Variants in EPHA8 observed in about 807,000 individuals in gnomAD.
EPHA8 encodes the protein ephrin type-A receptor 8.
A neutral mutation model predicts 103.6 loss-of-function variants in EPHA8; 58 were observed. The ratio of observed to expected loss-of-function variants is 0.56; its 90% CI spans 0.45 to 0.70. The LOEUF (loss-of-function observed/expected upper bound fraction) is 0.70, where lower values mean the gene tolerates loss of function less well. EPHA8 is among the 30% of genes least tolerant of loss of function. The pLI is 0.00. For synonymous variants in EPHA8, 559 were observed against 572.5 expected (o/e 0.98, Z 0.34); for missense variants, 1,304 against 1,395.2 (o/e 0.93, Z 1.04).
rs1425104693 is a variant in EPHA8, at chr1:22,602,068, G to C, written c.*327G>C. 2 of 457,430 alleles carry C rather than the reference G, an allele frequency of 4.4e-6. No homozygotes were observed. Among genetic ancestry groups the C allele is most frequent in the African/African-American group, 4.2e-5 (2 of 48,166 alleles). The allele number at this position is 457,430 out of a possible 1,614,324, so 28.3% of individuals were successfully genotyped here. On this transcript the variant is annotated 3_prime_UTR_variant, in exon 17 of 17. Transcript: ENST00000166244. ...TGTGCGTGCATGTGTGTGTGTGGTGGGGGGTGTTCTCACAAGGTCATGGGA... is the reference window on the plus strand; with the variant it reads ...TGTGCGTGCATGTGTGTGTGTGGTGCGGGGTGTTCTCACAAGGTCATGGGA...
intron 1 of EPHA8, among the ~76,000 whole-genome samples, chr1:22,568,127 T>G (rs1640419915): frequency 6.6e-6 from 1 of 152,186 alleles, no homozygotes; most frequent in Non-Finnish European, 1.5e-5. Flanking sequence ...CTAGTGTTGG[T>G]AAGGACCAGC....
chr1:22,590,783 G>A (rs886716507), intron 5 of EPHA8, among the ~76,000 whole-genome samples: 7 of 151,822 alleles, frequency 4.6e-5, no homozygotes, highest in Admixed American at 1.3e-4. Context: ...CCCCCAACTC[G>A]CGGTCACCAG....
intron 1 of EPHA8, among the ~76,000 whole-genome samples, chr1:22,564,507 C>A (rs1413754220): frequency 6.6e-6 from 1 of 151,590 alleles, no homozygotes; most frequent in Admixed American, 6.6e-5. Flanking sequence ...TCAGAGAAGG[C>A]TGGGATGGCA....
Position 22,582,719 on chromosome 1 carries a change from C to T in EPHA8, c.824-3761C>T, listed in dbSNP as rs1304833204. On this transcript the variant is annotated intron_variant, in intron 3 of 16. Transcript: ENST00000166244. ...CACAACTCCGGATCCAGTGACCTCC[C>T]CACACCAGACTGCACTTCCCAGCAC... is the stretch of plus-strand genomic sequence containing the variant. Among the ~76,000 whole-genome samples, 3 of 152,304 alleles carry T rather than the reference C, an allele frequency of 2.0e-5. No homozygotes were observed. In the East Asian group the frequency reaches 5.8e-4, roughly 30 times the overall value.
chr1:22,589,698 C>T lies in EPHA8; in HGVS notation c.1315+492C>T, dbSNP rs1641324744. On this transcript the variant is annotated intron_variant, in intron 5 of 16. Coordinates refer to ENST00000166244, the MANE Select transcript of EPHA8 (RefSeq NM_020526.5). This position sits in a 1 kb window ranked among gnomAD's most constrained non-coding sequence, Gnocchi z 4.3. The stretch of plus-strand genomic sequence containing the variant: ...GACTTGGCTGCACTGGCTTGGACCA[C>T]AGTAGTTTATCTATCAGTTTCTGGC... 2.8e-6 allele frequency: 3 copies of T among 1,075,908 alleles called. No individual in the cohort carries two copies. Among genetic ancestry groups the T allele is most frequent in the Non-Finnish European group, 3.4e-6 (3 of 890,022 alleles). The allele number at this position is 1,075,908 out of a possible 1,614,324, so 66.6% of individuals were successfully genotyped here.
chr1:22,579,625 C>T (rs980239326), intron 3 of EPHA8, among the ~76,000 whole-genome samples: 5 of 152,186 alleles, frequency 3.3e-5, no homozygotes, highest in African/African-American at 1.2e-4. Context: ...CCAGGCTTCT[C>T]TCCGTCGTTT....
In EPHA8 at chr1:22,588,938, C is replaced by A. The variant is rs776068958; in HGVS notation, c.1047C>A (p.Ala349=). The A allele has an allele frequency of 1.2e-6, 2 of 1,611,636 alleles. No homozygotes were observed. The highest frequency in any genetic ancestry group is 8.5e-7 in the Non-Finnish European group (1 of 1,179,882). ...VNGTSVTLEW[A]PPLDPGGRSD... The stretch of plus-strand genomic sequence containing the variant: ...GGACATCAGTGACTCTGGAGTGGGC[C>A]CCTCCCCTGGACCCAGGTGGCCGCA... The change falls in exon 5 of 17, where the codon GCC becomes GCA. Residue 349 remains alanine (A), a synonymous_variant. Coordinates refer to ENST00000166244, the MANE Select transcript of EPHA8 (RefSeq NM_020526.5).
intron 13 of EPHA8, among the ~76,000 whole-genome samples, chr1:22,599,685 AGG>A (rs1641633432): frequency 3.1e-5 from 1 of 32,626 alleles, no homozygotes; most frequent in Non-Finnish European, 5.1e-5. Flanking sequence ...GAGGGAAGGA[AGG>A]AAAGGAGGGA....
intron 2 of EPHA8, among the ~76,000 whole-genome samples, chr1:22,572,487 G>A (rs148519837): frequency 4.6e-5 from 7 of 152,330 alleles, no homozygotes; most frequent in East Asian, 1.9e-4. Flanking sequence ...ATCAGGCTGC[G>A]TCCTTCCCTC....
intron 13 of EPHA8, among the ~76,000 whole-genome samples, chr1:22,599,723 G>A (rs1369083074): frequency 3.7e-3 from 7 of 1,914 alleles, no homozygotes; most frequent in African/African-American, 7.1e-3. Context: ...AGGAAGGGAG[G>A]GAGGGAAGGA....
chr1:22,599,318 T>C (rs539362275), intron 13 of EPHA8, among the ~76,000 whole-genome samples: 2 of 152,200 alleles, frequency 1.3e-5, no homozygotes, highest in South Asian at 4.2e-4. Context: ...TTCAGGAGGG[T>C]TGGAATCTCC....
Position 22,569,830 on chromosome 1 carries a change from A to G in EPHA8, c.159+477A>G, listed in dbSNP as rs1484885704. The stretch of plus-strand genomic sequence containing the variant: ...TCAGGTCGCTGTGGGTCATGTGCTC[A>G]CAGGCCGTGCCCCCATCCTCCTGGG... On this transcript the variant is annotated intron_variant, in intron 2 of 16. Transcript: ENST00000166244. This position sits in a 1 kb window ranked among gnomAD's most constrained non-coding sequence, Gnocchi z 4.5. Among the ~76,000 whole-genome samples, 1 of 152,076 alleles carries G rather than the reference A, an allele frequency of 6.6e-6. No individual in the cohort carries two copies. Among genetic ancestry groups the G allele is most frequent in the Non-Finnish European group, 1.5e-5 (1 of 68,002 alleles).
At chr1:22,565,732 T>G (rs1470116427) in intron 1 of EPHA8, among the ~76,000 whole-genome samples, 1 of 151,628 alleles carries the variant, frequency 6.6e-6, no homozygotes, top group Non-Finnish European at 1.5e-5. Flanking sequence ...GTGCAGTGGG[T>G]GGGGGCCAGC....
In EPHA8 at chr1:22,591,526, G is replaced by A. The variant is rs549431884; in HGVS notation, c.1316-1800G>A. The stretch of plus-strand genomic sequence containing the variant: ...ATGAGCCACCATGCCCAGCACCACC[G>A]CCCCCCAAGTTTTTTAGATGAAAAT... On this transcript the variant is annotated intron_variant, in intron 5 of 16. Coordinates refer to ENST00000166244, the MANE Select transcript of EPHA8 (RefSeq NM_020526.5). Among the ~76,000 whole-genome samples the A allele has an allele frequency of 4.0e-5, 6 of 151,652 alleles. No homozygotes were observed. In the South Asian group the frequency reaches 1.0e-3, roughly 26 times the overall value.
rs1302300244 is a variant in EPHA8, at chr1:22,589,792, G to A, written c.1315+586G>A. Among the ~76,000 whole-genome samples the A allele has an allele frequency of 6.6e-6, 1 of 152,110 alleles. No homozygotes were observed. Among genetic ancestry groups the A allele is most frequent in the Non-Finnish European group, 1.5e-5 (1 of 68,022 alleles). ...AACTCTGGAGGACCCTGCCCGTCAA[G>A]TGACAGCGTGACCCAAGAGCCCTCC... On this transcript the variant is annotated intron_variant, in intron 5 of 16. Transcript: ENST00000166244. The surrounding 1 kb of genome is among the most constrained non-coding windows in gnomAD (Gnocchi z 4.3).
At chr1:22,579,544 C>T (rs1470962412) in intron 3 of EPHA8, among the ~76,000 whole-genome samples, 1 of 152,170 alleles carries the variant, frequency 6.6e-6, no homozygotes, top group African/African-American at 2.4e-5. Flanking sequence ...CAGCCAGGCA[C>T]CCCAAGAGTG....
chr1:22,594,381 T>C (rs1641460859), intron 7 of EPHA8, among the ~76,000 whole-genome samples: 3 of 152,162 alleles, frequency 2.0e-5, no homozygotes, highest in Admixed American at 2.0e-4. Context: ...CTGAGATGAG[T>C]GTCAGGGTCT....
rs1166941280 is a variant in EPHA8 at position 22,576,479 on chromosome 1, A to G, written c.422A>G (p.Gln141Arg). 1 of 1,614,146 alleles carries G rather than the reference A, an allele frequency of 6.2e-7. No individual in the cohort carries two copies. The highest frequency in any genetic ancestry group is 1.7e-5 in the Admixed American group (1 of 60,030). The change falls in exon 3 of 17, where the codon CAG (glutamine) becomes CGG (arginine). Residue 141 changes from glutamine to arginine, a missense_variant. Coordinates refer to ENST00000166244, the MANE Select transcript of EPHA8 (RefSeq NM_020526.5). This position sits in a 1 kb window ranked among gnomAD's most constrained non-coding sequence, Gnocchi z 4.8. The part of the protein sequence containing the change: ...RDLGASTQES[Q>R]FLKIDTIAAD... ...CTGGGGGCCAGCACACAAGAAAGCC[A>G]GTTCCTCAAAATCGACACCATTGCG...
At chr1:22,579,208 C>CGT (rs1640957282) in intron 3 of EPHA8, among the ~76,000 whole-genome samples, 2 of 134,696 alleles carry the variant, frequency 1.5e-5, no homozygotes, top group South Asian at 5.1e-4. Context: ...TACCTGTGTG[C>CGT]ATGTGTGTGT....
Sources: gnomAD v4.1 joint callset for allele counts (sites outside exome capture counted in the v4.1 genomes callset) on GRCh38, gnomAD v4.1.1 for gene constraint, Gnocchi (gnomAD v3.1) non-coding constraint, MANE v1.5 for transcripts, NCBI Gene and HGNC (gene_info 2026-07-23, HGNC 2026-07-21) for gene names.